The following LCLAT1 variants were observed in gnomAD, a reference collection of about 807,000 sequenced individuals.
LCLAT1 encodes 1-AGP acyltransferase 8.
A neutral mutation model predicts 30.7 loss-of-function variants in LCLAT1; 11 were observed. The ratio of observed to expected loss-of-function variants is 0.36; its 90% CI spans 0.23 to 0.59. The LOEUF (loss-of-function observed/expected upper bound fraction) is 0.59, where lower values mean the gene tolerates loss of function less well. LCLAT1 is among the 20% of genes least tolerant of loss of function. LCLAT1 has a pLI of 0.77. For synonymous variants in LCLAT1, 155 were observed against 151.3 expected, an observed-to-expected ratio of 1.02 and a Z score of -0.18; for missense variants, 402 against 458.6, an observed-to-expected ratio of 0.88 and a Z score of 1.13.
chr2:30,491,439 T>C (rs1683828258), intron 1 of LCLAT1, among the ~76,000 whole-genome samples: 1 of 152,200 alleles, frequency 6.6e-6, no homozygotes, highest in African/African-American at 2.4e-5. Context: ...GGCTGCATTG[T>C]TAGTCGAGTG....
At chr2:30,529,513 A>G (rs985727090) in intron 2 of LCLAT1, among the ~76,000 whole-genome samples, 2 of 152,222 alleles carry the variant, frequency 1.3e-5, no homozygotes, top group African/African-American at 4.8e-5. Context: ...GTAAGGGTCA[A>G]ACTCAGCATG....
chr2:30,524,466 A>G (rs1685615047), intron 1 of LCLAT1, among the ~76,000 whole-genome samples: 2 of 152,160 alleles, frequency 1.3e-5, no homozygotes, highest in Admixed American at 1.3e-4. Context: ...TTTGCTTTCC[A>G]TGGTTTGAGT....
intron 5 of LCLAT1, among the ~76,000 whole-genome samples, chr2:30,632,805 G>T (rs191987738): frequency 6.6e-6 from 1 of 152,338 alleles, no homozygotes; most frequent in Non-Finnish European, 1.5e-5. Flanking sequence ...CGTAGAGCTG[G>T]TAAAAGGCAG....
intron 5 of LCLAT1, among the ~76,000 whole-genome samples, chr2:30,618,125 A>G (rs1410172053): frequency 6.6e-6 from 1 of 152,052 alleles, no homozygotes; most frequent in Non-Finnish European, 1.5e-5. Flanking sequence ...ATTGATCTGT[A>G]TGTCTAACTC....
At chr2:30,568,372 T>C (rs1380206070) in intron 5 of LCLAT1, among the ~76,000 whole-genome samples, 196 bp downstream of exon 5, 1 of 152,104 alleles carries the variant, frequency 6.6e-6, no homozygotes, top group Non-Finnish European at 1.5e-5. Context: ...AAGAGATCTC[T>C]GTAAAAAATT....
At chr2:30,507,436 T>G (rs2148352461) in intron 1 of LCLAT1, among the ~76,000 whole-genome samples, 1 of 152,314 alleles carries the variant, frequency 6.6e-6, no homozygotes, top group Admixed American at 6.5e-5. Context: ...GTATTAAGCC[T>G]AGTACCTGTT....
chr2:30,462,917 A>G (rs1682236696), intron 1 of LCLAT1, among the ~76,000 whole-genome samples: 1 of 152,124 alleles, frequency 6.6e-6, no homozygotes, highest in Non-Finnish European at 1.5e-5. Flanking sequence ...ATAGTTTTAA[A>G]AAGTCTTCTT....
At chr2:30,526,106 A>AT (rs1277664455) in intron 2 of LCLAT1, among the ~76,000 whole-genome samples, 4 of 152,014 alleles carry the variant, frequency 2.6e-5, no homozygotes, top group Non-Finnish European at 5.9e-5. Flanking sequence ...GGCTGCATGT[A>AT]TTTTGCTGTG....
Position 30,641,849 on chromosome 2 carries a change from G to A in LCLAT1, c.*1230G>A, listed in dbSNP as rs1444534821. ...GCACCAGTCTTCTTCTGAGGCAAAA[G>A]AAAAGTGTTGTCATTTTCACTCTGT... On this transcript the variant is annotated 3_prime_UTR_variant, in exon 6 of 6. Coordinates refer to ENST00000379509, the MANE Select transcript of LCLAT1 (RefSeq NM_001002257.3). 3 of 151,030 alleles carry A rather than the reference G, an allele frequency of 2.0e-5. No homozygotes were observed. The highest frequency in any genetic ancestry group is 4.4e-5 in the Non-Finnish European group (3 of 67,776). 9.4% of individuals were successfully genotyped at this position (151,030 alleles called of 1,614,324 possible).
chr2:30,492,877 GAATTTCATT>G (rs1683901434), intron 1 of LCLAT1, among the ~76,000 whole-genome samples: 1 of 152,100 alleles, frequency 6.6e-6, no homozygotes, highest in Non-Finnish European at 1.5e-5. Flanking sequence ...CTGACTCTGT[GAATTTCATT>G]TATACATTTC....
chr2:30,558,004 G>T (rs534910010), intron 3 of LCLAT1, among the ~76,000 whole-genome samples: 3 of 152,124 alleles, frequency 2.0e-5, no homozygotes, highest in Admixed American at 2.0e-4. Flanking sequence ...CACTTGAAAT[G>T]TATCAATCAT....
At chr2:30,461,254 A>G (rs1452106927) in intron 1 of LCLAT1, among the ~76,000 whole-genome samples, 1 of 152,260 alleles carries the variant, frequency 6.6e-6, no homozygotes, top group Non-Finnish European at 1.5e-5. Context: ...GAATTGTAGG[A>G]CACCTAGTTG....
chr2:30,589,940 TTTAGAC>T (rs1214851696), intron 5 of LCLAT1, among the ~76,000 whole-genome samples: 1 of 152,180 alleles, frequency 6.6e-6, no homozygotes, highest in South Asian at 2.1e-4. Flanking sequence ...CAAGAGGTGA[TTTAGAC>T]TAAGTTTTTC....
chr2:30,528,152 T>A (rs1470601858), intron 2 of LCLAT1, among the ~76,000 whole-genome samples: 1 of 152,232 alleles, frequency 6.6e-6, no homozygotes, highest in Non-Finnish European at 1.5e-5. Context: ...CATAGCAAGT[T>A]GCACATATCA....
At chr2:30,559,642 C>T (rs1386160232) in intron 3 of LCLAT1, among the ~76,000 whole-genome samples, 5 of 152,028 alleles carry the variant, frequency 3.3e-5, no homozygotes, top group Non-Finnish European at 7.4e-5. Context: ...TTGGCTTTGT[C>T]AGCCAAATTC....
intron 5 of LCLAT1, 48 bp from the exon 6 acceptor site, chr2:30,640,069 C>T: frequency 6.8e-7 from 1 of 1,479,956 alleles, no homozygotes; most frequent in Non-Finnish European, 9.3e-7. Context: ...GCATTATCAC[C>T]CAAATTGAGC....
At chr2:30,520,227 A>G (rs1289494547) in intron 1 of LCLAT1, among the ~76,000 whole-genome samples, 1 of 152,154 alleles carries the variant, frequency 6.6e-6, no homozygotes, top group African/African-American at 2.4e-5. Context: ...GCCCACCACC[A>G]TCTTGGGAGT....
intron 5 of LCLAT1, among the ~76,000 whole-genome samples, chr2:30,585,095 T>G (rs1666374255): frequency 6.6e-6 from 1 of 152,192 alleles, no homozygotes; most frequent in Admixed American, 6.5e-5. Flanking sequence ...GATGGGCTCA[T>G]TTTTCAAACT....
chr2:30,567,475 A>ACT (rs1166448285), intron 4 of LCLAT1, among the ~76,000 whole-genome samples: 14 of 152,210 alleles, frequency 9.2e-5, no homozygotes, highest in Admixed American at 8.5e-4. Flanking sequence ...ATGCTTATCT[A>ACT]CTATATGCTT....
Sources: allele counts gnomAD v4.1 joint callset (sites outside exome capture counted in the v4.1 genomes callset), GRCh38; gene constraint gnomAD v4.1.1; transcripts MANE v1.5; gene names NCBI Gene and HGNC (gene_info 2026-07-23, HGNC 2026-07-21).